DDX50: variants seen among roughly 807,000 people sequenced by gnomAD.
DDX50 encodes ATP-dependent RNA helicase DDX50.
Under a neutral mutation model 94.8 loss-of-function variants are expected in DDX50, and 56 were observed. The ratio of observed to expected loss-of-function variants is 0.59; its 90% CI spans 0.48 to 0.74. The LOEUF (loss-of-function observed/expected upper bound fraction) is 0.74, where lower values mean the gene tolerates loss of function less well. Among genes scored for constraint, DDX50 ranks in the 30% least tolerant of loss-of-function variants. DDX50 has a pLI of 0.00. For synonymous variants in DDX50, 264 were observed against 295.4 expected, an observed-to-expected ratio of 0.89 and a Z score of 1.09; for missense variants, 713 against 881.2, an observed-to-expected ratio of 0.81 and a Z score of 2.42.
chr10:68,922,350 A>G (rs1841963412), intron 8 of DDX50, among the ~76,000 whole-genome samples: 1 of 152,086 alleles, frequency 6.6e-6, no homozygotes, highest in Non-Finnish European at 1.5e-5. Flanking sequence ...TTTTTAAAAA[A>G]TCTGTTGTGT....
At chr10:68,916,287 A>AG (rs1164682314) in intron 7 of DDX50, among the ~76,000 whole-genome samples, 1 of 148,550 alleles carries the variant, frequency 6.7e-6, no homozygotes, top group Non-Finnish European at 1.5e-5. Flanking sequence ...CCAGGAGGTG[A>AG]TAGTTGCGGT....
At chr10:68,903,603 C>G (rs577631246) in intron 1 of DDX50, among the ~76,000 whole-genome samples, 4 of 152,072 alleles carry the variant, frequency 2.6e-5, no homozygotes, top group Non-Finnish European at 5.9e-5. Flanking sequence ...GAGTTCGAGA[C>G]CAGCCTGGCC....
chr10:68,935,414 C>CTGTTT (rs1455592853), intron 10 of DDX50, among the ~76,000 whole-genome samples: 1 of 150,182 alleles, frequency 6.7e-6, no homozygotes, highest in Non-Finnish European at 1.5e-5. Context: ...ATTTAAACAT[C>CTGTTT]TGTTTTGTTT....
At chr10:68,914,980 C>A in intron 7 of DDX50, among the ~76,000 whole-genome samples, 1 of 149,152 alleles carries the variant, frequency 6.7e-6, no homozygotes, top group South Asian at 2.1e-4. Context: ...GAGATTGCGC[C>A]ACCGTACTCC....
At chr10:68,919,805 A>G (rs372290555) in intron 7 of DDX50, 27 bp from the exon 8 acceptor site, 11 of 1,602,906 alleles carry the variant, frequency 6.9e-6, no homozygotes, top group African/African-American at 4.0e-5. Context: ...AATGAAACAA[A>G]TAATGTGGTA....
intron 12 of DDX50, among the ~76,000 whole-genome samples, chr10:68,937,591 T>G (rs561519475): frequency 1.3e-5 from 2 of 150,076 alleles, no homozygotes; most frequent in Admixed American, 1.3e-4. Flanking sequence ...TAAGTTTTTT[T>G]TTTTTTTTTT....
Position 68,943,230 on chromosome 10 carries a change from TC to T in DDX50, c.1910del (p.Pro637LeufsTer111). 6.2e-7 allele frequency: 1 copy of T among 1,608,880 alleles called. No individual in the cohort carries two copies. The highest frequency in any genetic ancestry group is 8.5e-7 in the Non-Finnish European group (1 of 1,178,484). On this transcript the variant is annotated frameshift_variant, in exon 14 of 15. Transcript: ENST00000373585. LOFTEE classifies it high-confidence loss of function. ...GCTTTTAGGGTGTTTGCTTTGATGT[TC>T]CTACAACTGAGTCAGAAAGGTTACA... ...KGNMGVCFDV[P>X]TTESERLQAE...
chr10:68,929,716 G>T (rs1005648290), intron 8 of DDX50, among the ~76,000 whole-genome samples: 8 of 147,554 alleles, frequency 5.4e-5, no homozygotes, highest in African/African-American at 2.0e-4. Flanking sequence ...GAGCCACTGC[G>T]CCTGGCCTCT....
intron 7 of DDX50, among the ~76,000 whole-genome samples, chr10:68,914,792 C>T (rs193066203): frequency 4.3e-4 from 66 of 152,140 alleles, no homozygotes; most frequent in African/African-American, 1.4e-3. Flanking sequence ...GAGGCCAAGG[C>T]GGGCAGATCA....
chr10:68,918,944 A>G lies in DDX50; in HGVS notation c.1090-888A>G, dbSNP rs560421646. 3.9e-5 allele frequency among the ~76,000 whole-genome samples: 6 copies of G among 152,314 alleles called. No individual in the cohort carries two copies. In the East Asian group the frequency reaches 7.7e-4, roughly 20 times the overall value. On this transcript the variant is annotated intron_variant, in intron 7 of 14. Coordinates refer to ENST00000373585, the MANE Select transcript of DDX50 (RefSeq NM_024045.2). ...TGTATCAGTTTTTATCTTTTATGCC[A>G]TATTCTTACTGTGCCTTTTCTATGT...
intron 1 of DDX50, among the ~76,000 whole-genome samples, chr10:68,905,022 C>T (rs189279589): frequency 2.8e-4 from 43 of 152,150 alleles, no homozygotes; most frequent in Admixed American, 2.2e-3. Flanking sequence ...AATATTTGAC[C>T]AGGTAATTCA....
intron 8 of DDX50, among the ~76,000 whole-genome samples, chr10:68,928,753 A>C (rs1842155442): frequency 6.6e-6 from 1 of 152,178 alleles, no homozygotes; most frequent in Non-Finnish European, 1.5e-5. Flanking sequence ...CTAAACCTAA[A>C]TTAATTAACT....
intron 2 of DDX50, among the ~76,000 whole-genome samples, chr10:68,909,729 C>T (rs1841569566): frequency 6.6e-6 from 1 of 152,082 alleles, no homozygotes; most frequent in Admixed American, 6.5e-5. Context: ...ATGGTGCAAT[C>T]TCGGCTCACT....
rs549075803 is a variant in DDX50 at position 68,913,152 on chromosome 10, T to A, written c.640-10T>A. On this transcript the variant is annotated splice_polypyrimidine_tract_variant and intron_variant, in intron 4 of 14. Transcript: ENST00000373585. ...AAAGTATCTTTTTGTTTTTTAAACCTCTTGCTCAGGTACTTGTTTTGGCTC... is the reference window on the plus strand; with the variant it reads ...AAAGTATCTTTTTGTTTTTTAAACCACTTGCTCAGGTACTTGTTTTGGCTC... 1.3e-6 allele frequency: 2 copies of A among 1,589,486 alleles called. No homozygotes were observed. The highest frequency in any genetic ancestry group is 1.2e-5 in the South Asian group (1 of 86,310).
chr10:68,932,695 G>GAGATGA lies in DDX50; in HGVS notation c.1240-1499_1240-1494dup, dbSNP rs544537390. Among the ~76,000 whole-genome samples, 15 of 152,252 alleles carry GAGATGA rather than the reference G, an allele frequency of 9.9e-5. No individual in the cohort carries two copies. The South Asian group carries it at 3.1e-3, about 32-fold the overall frequency. On this transcript the variant is annotated intron_variant, in intron 8 of 14. Coordinates refer to ENST00000373585, the MANE Select transcript of DDX50 (RefSeq NM_024045.2). ...TAGGTTCAGTGTCACTAATGCAGCA[G>GAGATGA]AGATGAAGATCTACCTAATATAAAT...
chr10:68,931,606 A>C (rs1025916850), intron 8 of DDX50, among the ~76,000 whole-genome samples: 1 of 150,974 alleles, frequency 6.6e-6, no homozygotes, highest in Non-Finnish European at 1.5e-5. Context: ...ACACCCGGCT[A>C]CTTTTTTAGT....
chr10:68,922,266 G>A (rs1462394892), intron 8 of DDX50, among the ~76,000 whole-genome samples: 1 of 151,902 alleles, frequency 6.6e-6, no homozygotes, highest in Middle Eastern at 3.2e-3. Flanking sequence ...ATGTAATCAT[G>A]GCACTTGATA....
At chr10:68,917,419 A>G (rs980525683) in intron 7 of DDX50, among the ~76,000 whole-genome samples, 4 of 152,152 alleles carry the variant, frequency 2.6e-5, no homozygotes, top group African/African-American at 9.7e-5. Flanking sequence ...AGATCGTGCC[A>G]CTGAACTCTA....
At chr10:68,905,349 CG>C in intron 1 of DDX50, among the ~76,000 whole-genome samples, 1 of 141,882 alleles carries the variant, frequency 7.0e-6, no homozygotes, top group Non-Finnish European at 1.5e-5. Context: ...GAATTTAAAA[CG>C]TAAAAAAAAA....
Sources: allele counts gnomAD v4.1 joint callset (sites outside exome capture counted in the v4.1 genomes callset), GRCh38; gene constraint gnomAD v4.1.1; transcripts MANE v1.5; gene names NCBI Gene and HGNC (gene_info 2026-07-23, HGNC 2026-07-21).